Variants in UBN2 observed in about 807,000 individuals in gnomAD.
The protein encoded by UBN2 is ubinuclein-2.
A neutral mutation model predicts 120.2 loss-of-function variants in UBN2; 35 were observed. The observed-to-expected ratio is 0.29, with a 90% confidence interval of 0.22 to 0.39. The LOEUF is 0.39. Among genes scored for constraint, UBN2 ranks in the 10% least tolerant of loss-of-function variants. UBN2 has a pLI of 1.00. For synonymous variants in UBN2, 661 were observed against 648.7 expected (o/e 1.02, Z -0.29); for missense variants, 1,693 against 1,663.2 (o/e 1.02, Z -0.31).
At chr7:139,316,987 C>T in the UBN2 span, among the ~76,000 whole-genome samples, 1 of 149,844 alleles carries the variant, frequency 6.7e-6, no homozygotes, top group Non-Finnish European at 1.5e-5. Context: ...GGCTGGAGTG[C>T]AATGGTGTGG....
Position 139,284,455 on chromosome 7 carries a change from A to G in UBN2, c.3550A>G (p.Asn1184Asp). The G allele has an allele frequency of 5.0e-6, 8 of 1,614,206 alleles. No individual in the cohort carries two copies. The highest frequency in any genetic ancestry group is 5.9e-6 in the Non-Finnish European group (7 of 1,180,032). ...RGSNLNSSGA[N>D]RTSLSGGTGS... ...TAGCAACCTTAACTCAAGCGGAGCT[A>G]ATAGGACTAGTCTGTCTGGGGGAAC... Residue 1184 changes from asparagine (N) to aspartate (D), a missense_variant, in exon 15 of 18, where the codon AAT becomes GAT. Transcript: ENST00000473989.
At chr7:139,292,292 T>TA (rs1445063462) in intron 15 of UBN2, among the ~76,000 whole-genome samples, 7 of 152,138 alleles carry the variant, frequency 4.6e-5, no homozygotes, top group African/African-American at 1.4e-4. Flanking sequence ...GGAATATATT[T>TA]AAGTAAGTTC....
At chr7:139,243,640 A>G (rs1321368812) in intron 2 of UBN2, among the ~76,000 whole-genome samples, 1 of 152,156 alleles carries the variant, frequency 6.6e-6, no homozygotes, top group Non-Finnish European at 1.5e-5. Flanking sequence ...GAGGGTGGAG[A>G]ATAGATATGG....
rs182263933 is a variant in UBN2, at chr7:139,242,471, C to G, written c.561+5374C>G. On this transcript the variant is annotated intron_variant, in intron 2 of 17. Transcript: ENST00000473989. The stretch of plus-strand genomic sequence containing the variant: ...AAATTCTACTTGCAAAACACAAATA[C>G]CAGTGGATTTAGGGTTTTGTAGACC... Among the ~76,000 whole-genome samples the G allele has an allele frequency of 1.4e-3, 206 of 152,160 alleles. 2 individuals are homozygous for G. Among genetic ancestry groups the G allele is most frequent in the African/African-American group, 4.8e-3 (201 of 41,494 alleles).
In UBN2 at chr7:139,231,832, T is replaced by C. The variant is rs1018376155; in HGVS notation, c.348T>C (p.Ala116=). Residue 116 remains alanine, a synonymous_variant, in exon 1 of 18, where the codon GCT becomes GCC. Transcript: ENST00000473989. ...CGCCGCGGGAGTCGGCTTCCCGGGC[T>C]GAGCAGCCGCCGCGGCCGCCGAGGG... The part of the protein sequence containing the change: ...PPPPRESASR[A]EQPPRPPRET... 2.7e-5 allele frequency: 41 copies of C among 1,522,278 alleles called. No homozygotes were observed. The highest frequency in any genetic ancestry group is 4.3e-5 in the African/African-American group (3 of 69,834). 94.3% of individuals were successfully genotyped at this position (1,522,278 alleles called of 1,614,324 possible).
downstream of UBN2, among the ~76,000 whole-genome samples, chr7:139,310,763 A>G (rs776887324): frequency 6.6e-6 from 1 of 152,232 alleles, no homozygotes; most frequent in Non-Finnish European, 1.5e-5. Flanking sequence ...ACAGAGTGAG[A>G]CGCCGTCTCA....
intron 2 of UBN2, among the ~76,000 whole-genome samples, chr7:139,250,230 T>G (rs771867785): frequency 6.6e-6 from 1 of 151,944 alleles, no homozygotes; most frequent in Non-Finnish European, 1.5e-5. Flanking sequence ...AGCCAGACCT[T>G]GTGTCATTTT....
intron 15 of UBN2, among the ~76,000 whole-genome samples, chr7:139,286,355 C>T (rs1207853560): frequency 1.3e-5 from 2 of 152,156 alleles, no homozygotes; most frequent in South Asian, 2.1e-4. Context: ...TGAGTCACTG[C>T]GCCGGGCCTA....
chr7:139,273,157 AG>A, intron 9 of UBN2, 139 bp from the exon 10 acceptor site: 2 of 468,466 alleles, frequency 4.3e-6, no homozygotes, highest in Non-Finnish European at 7.5e-6. Context: ...TCAAATTTGA[AG>A]TATTATGTGG....
At chr7:139,269,793 A>G (rs1415773213) in intron 8 of UBN2, among the ~76,000 whole-genome samples, 1 of 152,120 alleles carries the variant, frequency 6.6e-6, no homozygotes, top group Non-Finnish European at 1.5e-5. Flanking sequence ...GTATTTTTTA[A>G]TATAAGTACT....
chr7:139,319,405 C>T, the UBN2 span, among the ~76,000 whole-genome samples: 2 of 152,062 alleles, frequency 1.3e-5, no homozygotes, highest in Non-Finnish European at 2.9e-5. Flanking sequence ...GATCTGCCAC[C>T]CCACCGTGCC....
the UBN2 span, among the ~76,000 whole-genome samples, chr7:139,317,952 C>T: frequency 6.6e-6 from 1 of 152,172 alleles, no homozygotes; most frequent in Non-Finnish European, 1.5e-5. Context: ...CATGAGCCAC[C>T]GCACGCAGCC....
chr7:139,325,521 G>A, the UBN2 span, among the ~76,000 whole-genome samples: 5 of 151,978 alleles, frequency 3.3e-5, no homozygotes, highest in African/African-American at 4.8e-5. Flanking sequence ...CACCTGCCTC[G>A]GCCTCCCAAA....
rs1173045124 is a variant in UBN2, at chr7:139,307,547, G to A, written c.*9711G>A. The A allele has an allele frequency of 6.6e-6, 1 of 151,960 alleles. No individual in the cohort carries two copies. Among genetic ancestry groups the A allele is most frequent in the Non-Finnish European group, 1.5e-5 (1 of 67,982 alleles). 9.4% of individuals were successfully genotyped at this position (151,960 alleles called of 1,614,324 possible). On this transcript the variant is annotated 3_prime_UTR_variant, in exon 18 of 18. Transcript: ENST00000473989. ...ATGACATGTGAATGGGTGCGGGTAT[G>A]TGTGCGTGTGTGTTTGTATAAGGCT...
the UBN2 span, among the ~76,000 whole-genome samples, chr7:139,320,403 G>C: frequency 2.0e-5 from 3 of 151,830 alleles, no homozygotes; most frequent in African/African-American, 7.3e-5. Context: ...AGAGTTTGCA[G>C]TGAGCTGAGA....
chr7:139,293,864 A>T (rs547377299), intron 16 of UBN2, 25 bp from the exon 17 acceptor site: 1 of 1,606,676 alleles, frequency 6.2e-7, no homozygotes, highest in Non-Finnish European at 8.5e-7. Flanking sequence ...TTTAAAGATG[A>T]CTGACAAGTC....
intron 17 of UBN2, among the ~76,000 whole-genome samples, chr7:139,295,676 T>C (rs1357164190): frequency 1.9e-4 from 29 of 152,234 alleles, no homozygotes; most frequent in Admixed American, 1.8e-3. Flanking sequence ...TCCCAGCATT[T>C]TGGGAGGCCA....
chr7:139,297,590 A>G (rs1352478344), intron 17 of UBN2, among the ~76,000 whole-genome samples, 197 bp from the exon 18 acceptor site: 2 of 152,198 alleles, frequency 1.3e-5, no homozygotes, highest in Non-Finnish European at 2.9e-5. Flanking sequence ...GAAGAGGATC[A>G]TTGTTGTTGA....
chr7:139,288,553 G>A (rs929443609), intron 15 of UBN2, among the ~76,000 whole-genome samples: 3 of 152,178 alleles, frequency 2.0e-5, no homozygotes, highest in Non-Finnish European at 4.4e-5. Context: ...ACCACAGTAA[G>A]GACTTTGGAT....
Sources: gnomAD v4.1 joint callset for allele counts (sites outside exome capture counted in the v4.1 genomes callset) on GRCh38, gnomAD v4.1.1 for gene constraint, MANE v1.5 for transcripts, NCBI Gene and HGNC (gene_info 2026-07-23, HGNC 2026-07-21) for gene names.